PPP6R3: variants seen among roughly 807,000 people sequenced by gnomAD.
PPP6R3 encodes serine/threonine-protein phosphatase 6 regulatory subunit 3.
PPP6R3 carries 38 observed loss-of-function variants against 110.7 expected under a neutral mutation model. The observed-to-expected ratio is 0.34, with a 90% confidence interval of 0.26 to 0.45. The LOEUF is 0.45. Ranked by LOEUF, PPP6R3 falls within the 20% of genes least tolerant of loss-of-function variation. The probability of loss-of-function intolerance (pLI) is 1.00; values close to 1 mark genes in which losing one functional copy is unlikely to be tolerated. For missense variants in PPP6R3, 870 were observed against 1,062.4 expected (o/e 0.82, Z 2.52); for synonymous variants, 369 against 373.5 (o/e 0.99, Z 0.14).
intron 2 of PPP6R3, among the ~76,000 whole-genome samples, chr11:68,524,164 TCTCATGAAG>T: frequency 6.6e-6 from 1 of 152,334 alleles, no homozygotes; most frequent in East Asian, 1.9e-4. Context: ...TTGAGGGGCC[TCTCATGAAG>T]CCACAGACCT....
intron 11 of PPP6R3, 62 bp from the exon 12 acceptor site, chr11:68,570,978 T>A (rs1022222548): frequency 6.5e-7 from 1 of 1,547,546 alleles, no homozygotes; most frequent in Non-Finnish European, 8.7e-7. Context: ...TAGAGTTCTG[T>A]TTCACTTTAA....
chr11:68,537,602 T>C (rs1355248833), intron 2 of PPP6R3, 57 bp from the exon 3 acceptor site: 10 of 1,183,902 alleles, frequency 8.4e-6, no homozygotes, highest in African/African-American at 1.6e-5. Flanking sequence ...ATATGAATTA[T>C]GGAAAATTAA....
At chr11:68,478,647 G>GTTTGTTTTTTTT (rs2098860395) in intron 1 of PPP6R3, among the ~76,000 whole-genome samples, 1 of 50,506 alleles carries the variant, frequency 2.0e-5, no homozygotes, top group East Asian at 6.7e-4. Flanking sequence ...CACTTGGTAA[G>GTTTGTTTTTTTT]TTTTTTTTTT....
intron 1 of PPP6R3, among the ~76,000 whole-genome samples, chr11:68,504,824 T>G (rs1345416303): frequency 6.6e-6 from 1 of 152,218 alleles, no homozygotes; most frequent in Non-Finnish European, 1.5e-5. Context: ...CAGTTTGGCC[T>G]TCTTTGGAGA....
Position 68,613,920 on chromosome 11 carries a change from TTTTGTTTTTG to T in PPP6R3, c.*813_*822del. 1.0e-6 allele frequency: 1 copy of T among 980,536 alleles called. No individual in the cohort carries two copies. The allele number at this position is 980,536 out of a possible 1,614,324, so 60.7% of individuals were successfully genotyped here. A position where few individuals can be genotyped will look rare whatever the true frequency, so the allele number is the denominator to read the frequency against. ...GGGATTTTTTTTTTTTTTTTTTGGC[TTTTGTTTTTG>T]TTTGTTTTTTTGTTTCATTTGGTAG... On this transcript the variant is annotated 3_prime_UTR_variant, in exon 24 of 24. Coordinates refer to ENST00000393800, the MANE Select transcript of PPP6R3 (RefSeq NM_001164161.2).
At chr11:68,600,534 G>T (rs375697318) in intron 20 of PPP6R3, 40 bp downstream of exon 20, 4 of 1,577,912 alleles carry the variant, frequency 2.5e-6, no homozygotes, top group East Asian at 2.2e-5. Context: ...TTCCACGGGG[G>T]ACCTGGGAAT....
chr11:68,612,236 TGTAA>T (rs150698804), intron 23 of PPP6R3, among the ~76,000 whole-genome samples: 21 of 152,322 alleles, frequency 1.4e-4, no homozygotes, highest in African/African-American at 4.3e-4. Flanking sequence ...CACCATCAGA[TGTAA>T]GTAAGTGAGC....
intron 1 of PPP6R3, among the ~76,000 whole-genome samples, chr11:68,506,414 CAAAAAAAAAAAAAAAAAAAAA>C (rs67739319): frequency 2.0e-4 from 9 of 46,050 alleles, no homozygotes; most frequent in African/African-American, 3.3e-4. Context: ...CCTTTATACT[CAAAAAAAAAAAAAAAAAAAAA>C]AAAAAAAAAA....
intron 4 of PPP6R3, among the ~76,000 whole-genome samples, chr11:68,546,443 A>C (rs2099349592): frequency 6.6e-6 from 1 of 152,188 alleles, no homozygotes; most frequent in South Asian, 2.1e-4. Context: ...AATACACTTA[A>C]AACCTTGCCA....
At chr11:68,541,509 T>TGG (rs35914276) in intron 3 of PPP6R3, among the ~76,000 whole-genome samples, 92,884 of 151,762 alleles carry the variant, frequency 0.61, 29,652 homozygotes, top group South Asian at 0.8. Flanking sequence ...GTTAAGAGGA[T>TGG]GGAGTGGCTT....
chr11:68,487,380 C>G (rs1053064290), intron 1 of PPP6R3, among the ~76,000 whole-genome samples: 19 of 151,818 alleles, frequency 1.3e-4, no homozygotes, highest in Non-Finnish European at 2.6e-4. Context: ...ATCAGCCTGG[C>G]CAACATGGCA....
chr11:68,464,823 T>C (rs1294839208), intron 1 of PPP6R3, among the ~76,000 whole-genome samples: 2 of 152,162 alleles, frequency 1.3e-5, no homozygotes, highest in Non-Finnish European at 2.9e-5. Context: ...TTTGAGTTAG[T>C]ATCTTTTGCC....
intron 1 of PPP6R3, among the ~76,000 whole-genome samples, chr11:68,473,449 T>C (rs193254921): frequency 1.3e-5 from 2 of 152,380 alleles, no homozygotes; most frequent in African/African-American, 4.8e-5. Flanking sequence ...CTTTGTAATA[T>C]TGTTTATGAT....
At chr11:68,466,878 G>C (rs1229269768) in intron 1 of PPP6R3, among the ~76,000 whole-genome samples, 1 of 151,966 alleles carries the variant, frequency 6.6e-6, no homozygotes, top group Non-Finnish European at 1.5e-5. Flanking sequence ...CTCCCAAAGT[G>C]CTGGGATTAC....
At chr11:68,584,348 A>G (rs934385558) in intron 15 of PPP6R3, among the ~76,000 whole-genome samples, 1 of 152,184 alleles carries the variant, frequency 6.6e-6, no homozygotes, top group Non-Finnish European at 1.5e-5. Context: ...CCCAGGAAGC[A>G]CCTGGACAAT....
At chr11:68,484,640 T>C (rs1243334680) in intron 1 of PPP6R3, among the ~76,000 whole-genome samples, 5 of 151,742 alleles carry the variant, frequency 3.3e-5, no homozygotes, top group Non-Finnish European at 5.9e-5. Context: ...CAGGGTGGAG[T>C]GTAATGGCAC....
chr11:68,543,070 C>T (rs1017122440), intron 3 of PPP6R3, among the ~76,000 whole-genome samples: 5 of 152,198 alleles, frequency 3.3e-5, no homozygotes, highest in Non-Finnish European at 5.9e-5. Context: ...ATTTATTAAA[C>T]ACTTATTTAC....
intron 1 of PPP6R3, among the ~76,000 whole-genome samples, chr11:68,469,950 C>A (rs1176646250): frequency 6.6e-6 from 1 of 152,162 alleles, no homozygotes. Flanking sequence ...TATAATGTGA[C>A]TTCATTTTTG....
chr11:68,503,760 T>C (rs1162690850), intron 1 of PPP6R3, among the ~76,000 whole-genome samples: 1 of 152,044 alleles, frequency 6.6e-6, no homozygotes, highest in East Asian at 1.9e-4. Flanking sequence ...CAAATAACTT[T>C]TTCTTTTTTT....
Sources: gnomAD v4.1 joint callset for allele counts (sites outside exome capture counted in the v4.1 genomes callset) on GRCh38, gnomAD v4.1.1 for gene constraint, MANE v1.5 for transcripts, NCBI Gene and HGNC (gene_info 2026-07-23, HGNC 2026-07-21) for gene names.